ZNF717: variants seen among roughly 807,000 people sequenced by gnomAD.
The protein encoded by ZNF717 is krueppel-like factor X17.
Under a neutral mutation model 13.8 loss-of-function variants are expected in ZNF717, and 9 were observed. The observed-to-expected ratio is 0.65, with a 90% CI of 0.39 to 1.14. ZNF717 has a LOEUF of 1.14. Among genes scored for constraint, ZNF717 ranks in the 50% most tolerant of loss-of-function variants. The pLI, the probability that ZNF717 is intolerant of heterozygous loss-of-function variation, is 0.01. For missense variants in ZNF717, 1,040 were observed against 1,080.7 expected (o/e 0.96, Z 0.53); for synonymous variants, 327 against 364.1 (o/e 0.90, Z 1.16).
Position 75,741,334 on chromosome 3 carries a change from C to T in ZNF717, c.219G>A (p.Lys73=). 6.5e-7 allele frequency: 1 copy of T among 1,549,596 alleles called. No homozygotes were observed. Among genetic ancestry groups the T allele is most frequent in the Non-Finnish European group, 8.7e-7 (1 of 1,145,116 alleles). ...HYITKPEMIF[K]LEQGAEPWIV... is the part of the protein sequence containing the mutation. ...TCCATGGCTCTGCTCCTTGCTCTAG[C>T]TTGAAGATCATCTCAGGTTTGGTAA... The change falls in exon 4 of 5, where the codon AAG becomes AAA. Residue 73 remains lysine, a synonymous_variant. Coordinates refer to ENST00000652011, the MANE Select transcript of ZNF717 (RefSeq NM_001290208.3).
At chr3:75,782,617 A>T (rs1203744112) in intron 2 of ZNF717, among the ~76,000 whole-genome samples, 1 of 151,294 alleles carries the variant, frequency 6.6e-6, no homozygotes, top group African/African-American at 2.4e-5. Context: ...CTTATGATGG[A>T]AGCTGTGCTT....
At chr3:75,777,914 A>T (rs1944462267) in intron 2 of ZNF717, among the ~76,000 whole-genome samples, 1 of 151,316 alleles carries the variant, frequency 6.6e-6, no homozygotes, top group Non-Finnish European at 1.5e-5. Flanking sequence ...ACCCAAAACA[A>T]TGCGAGTGAC....
At chr3:75,769,069 G>A (rs1943709894) in intron 2 of ZNF717, among the ~76,000 whole-genome samples, 1 of 152,142 alleles carries the variant, frequency 6.6e-6, no homozygotes, top group South Asian at 2.1e-4. Context: ...TTAGACTGCT[G>A]CAGGTTCCTA....
At position 75,743,927 on chromosome 3, in the gene ZNF717, T is replaced by C. The variant is rs544873436; in HGVS notation, c.58-2191A>G. On this transcript the variant is annotated intron_variant, in intron 2 of 4. Coordinates refer to ENST00000652011, the MANE Select transcript of ZNF717 (RefSeq NM_001290208.3). The stretch of plus-strand genomic sequence containing the variant: ...TATGTGGGAATGTCCAACTGGCAAC[T>C]GGGAAAATGGCTCCACTGGTTCAGA... Among the ~76,000 whole-genome samples, 529 of 152,332 alleles carry C rather than the reference T, an allele frequency of 3.5e-3. 2 individuals carry two copies. Among genetic ancestry groups the C allele is most frequent in the African/African-American group, 0.012 (511 of 41,566 alleles).
chr3:75,706,868 CA>C (rs1937812876), downstream of ZNF717, among the ~76,000 whole-genome samples: 1 of 152,308 alleles, frequency 6.6e-6, no homozygotes, highest in Non-Finnish European at 1.5e-5. Context: ...GGACAAGCCC[CA>C]AAACACTGCT....
At chr3:75,768,866 T>C (rs1575939189) in intron 2 of ZNF717, among the ~76,000 whole-genome samples, 1 of 151,904 alleles carries the variant, frequency 6.6e-6, no homozygotes, top group Non-Finnish European at 1.5e-5. Context: ...CACAACCTGA[T>C]TCAGTCCTCA....
chr3:75,728,675 T>C (rs1195351077), downstream of ZNF717, among the ~76,000 whole-genome samples: 2 of 152,268 alleles, frequency 1.3e-5, no homozygotes, highest in South Asian at 2.1e-4. Flanking sequence ...TTGTCTCTCC[T>C]GCCACCCTGT....
chr3:75,741,518 C>T, intron 3 of ZNF717, 92 bp downstream of exon 3: 1 of 1,494,220 alleles, frequency 6.7e-7, no homozygotes, highest in South Asian at 1.2e-5. Flanking sequence ...CAACTGGAAG[C>T]TTACAAGTAA....
At position 75,739,042 on chromosome 3, in the gene ZNF717, T is replaced by C. The variant is rs1483569485; in HGVS notation, c.581A>G (p.Glu194Gly). Reference sequence around the variant, plus strand: ...AATCTTGTGATGCTGAGTAAGATGTTCATGATGTCTGTGGGATCTCCTGGT... The same window carrying C: ...AATCTTGTGATGCTGAGTAAGATGTCCATGATGTCTGTGGGATCTCCTGGT... ...DITRRSHRHH[E>G]HLTQHHKIQT... The change falls in exon 5 of 5, where the codon GAA becomes GGA. Residue 194 changes from glutamate (E) to glycine (G), a missense_variant. Physicochemically the swap from Glu to Gly is moderately conservative, Grantham distance 98. This residue lies in a region of ZNF717 where 873 missense variants were observed against 832.8 expected (regional missense o/e 1.05). Transcript: ENST00000652011. The C allele has an allele frequency of 1.3e-6, 2 of 1,551,504 alleles. No individual in the cohort carries two copies. The highest frequency in any genetic ancestry group is 1.7e-6 in the Non-Finnish European group (2 of 1,146,954).
At chr3:75,746,748 C>T (rs1409790894) in intron 2 of ZNF717, among the ~76,000 whole-genome samples, 1 of 152,016 alleles carries the variant, frequency 6.6e-6, no homozygotes, top group Non-Finnish European at 1.5e-5. Context: ...AATTTGAGTT[C>T]TTTGTAGATT....
chr3:75,706,818 T>C (rs1937812136), downstream of ZNF717, among the ~76,000 whole-genome samples: 1 of 152,252 alleles, frequency 6.6e-6, no homozygotes, highest in African/African-American at 2.4e-5. Context: ...CAGATGACTC[T>C]GTCCTGATTC....
downstream of ZNF717, among the ~76,000 whole-genome samples, chr3:75,732,735 C>T (rs2106926552): frequency 1.3e-5 from 2 of 152,382 alleles, no homozygotes; most frequent in East Asian, 1.9e-4. Flanking sequence ...GGTGGATGGA[C>T]TAAGACAGCT....
rs79560192 is a variant in ZNF717 at position 75,737,994 on chromosome 3, T to C, written c.1629A>G (p.Thr543=). The C allele has an allele frequency of 8.9e-6, 12 of 1,343,470 alleles. No individual in the cohort carries two copies. Among genetic ancestry groups the C allele is most frequent in the Middle Eastern group, 2.0e-4 (1 of 5,036 alleles). The allele number at this position is 1,343,470 out of a possible 1,614,324, so 83.2% of individuals were successfully genotyped here. ...CTGTAAGGTATGACTTGTGGCTATA[T>C]GTTTTTCCACATTCGTTACATGCGT... ...KPYACNECGK[T]YSHKSYLTVH... Residue 543 remains threonine, a synonymous_variant, in exon 5 of 5, where the codon ACA becomes ACG. Coordinates refer to ENST00000652011, the MANE Select transcript of ZNF717 (RefSeq NM_001290208.3).
At chr3:75,772,167 C>G (rs547296307) in intron 2 of ZNF717, among the ~76,000 whole-genome samples, 2 of 152,288 alleles carry the variant, frequency 1.3e-5, no homozygotes, top group African/African-American at 4.8e-5. Context: ...GAGAGCTGAA[C>G]AGACATTGGG....
At chr3:75,774,125 AAAG>A (rs896684985) in intron 2 of ZNF717, among the ~76,000 whole-genome samples, 1 of 152,176 alleles carries the variant, frequency 6.6e-6, no homozygotes, top group African/African-American at 2.4e-5. Flanking sequence ...TTCTCTCTTT[AAAG>A]AAGATTTTCA....
chr3:75,711,520 G>C (rs1236439582), intron 5 of ZNF717, among the ~76,000 whole-genome samples: 1 of 152,100 alleles, frequency 6.6e-6, no homozygotes, highest in Admixed American at 6.6e-5. Flanking sequence ...ATTTTGCCAG[G>C]CACAGTGGCT....
chr3:75,717,004 A>G (rs1938068901), intron 4 of ZNF717, among the ~76,000 whole-genome samples: 1 of 152,208 alleles, frequency 6.6e-6, no homozygotes, highest in Non-Finnish European at 1.5e-5. Context: ...ACAGTTCAGC[A>G]CACAATTGCA....
chr3:75,714,125 T>C (rs1193150864), intron 5 of ZNF717, among the ~76,000 whole-genome samples: 1 of 152,078 alleles, frequency 6.6e-6, no homozygotes, highest in Non-Finnish European at 1.5e-5. Context: ...AAGCACAGTA[T>C]CACAGGGAGA....
chr3:75,757,002 G>A (rs1437425786), intron 2 of ZNF717, among the ~76,000 whole-genome samples: 2 of 152,272 alleles, frequency 1.3e-5, no homozygotes, highest in Non-Finnish European at 2.9e-5. Context: ...TGAAGGCTCA[G>A]AGAGGTGAGG....
Sources: allele counts gnomAD v4.1 joint callset (sites outside exome capture counted in the v4.1 genomes callset), GRCh38; gene constraint gnomAD v4.1.1; regional missense constraint gnomAD v4.1.1; transcripts MANE v1.5; gene names NCBI Gene and HGNC (gene_info 2026-07-23, HGNC 2026-07-21).